Variants in ARHGAP17 observed in about 807,000 individuals in gnomAD.
The protein encoded by ARHGAP17 is rho GTPase-activating protein 17.
In ARHGAP17, 57 loss-of-function variants were observed where a neutral mutation model predicts 99.5. That is an observed-to-expected ratio of 0.57 (90% CI 0.46 to 0.71). The LOEUF is 0.71. Among genes scored for constraint, ARHGAP17 ranks in the 30% least tolerant of loss-of-function variants. The pLI, the probability that ARHGAP17 is intolerant of heterozygous loss-of-function variation, is 0.00. For synonymous variants in ARHGAP17, 417 were observed against 429.6 expected (o/e 0.97, Z 0.36); for missense variants, 1,000 against 1,122.4 (o/e 0.89, Z 1.56).
intron 1 of ARHGAP17, among the ~76,000 whole-genome samples, chr16:25,011,001 C>G (rs2053630183): frequency 6.6e-6 from 1 of 152,218 alleles, no homozygotes; most frequent in Non-Finnish European, 1.5e-5. Context: ...GTACTATGCT[C>G]TCCTAGTTGT....
At chr16:24,952,824 A>T in intron 11 of ARHGAP17, 107 bp downstream of exon 11, 1 of 1,033,452 alleles carries the variant, frequency 9.7e-7, no homozygotes, top group Non-Finnish European at 1.5e-6. Context: ...CGGTTTTGTC[A>T]CTTAAACCTG....
In ARHGAP17 at chr16:25,001,513, G is replaced by A. The variant is rs1405162595; in HGVS notation, c.53+13696C>T. ...TTTTTCTAGAAACTAGAGAAGATGAGATGCCAAAACTCGCCTTTATACAAA... is the reference window on the plus strand; with the variant it reads ...TTTTTCTAGAAACTAGAGAAGATGAAATGCCAAAACTCGCCTTTATACAAA... On this transcript the variant is annotated intron_variant, in intron 1 of 19. Transcript: ENST00000289968. Among the ~76,000 whole-genome samples the A allele has an allele frequency of 3.9e-5, 6 of 152,214 alleles. No individual in the cohort carries two copies. In the East Asian group the frequency reaches 1.2e-3, roughly 29 times the overall value.
rs1175436365 is a variant in ARHGAP17 at position 24,920,206 on chromosome 16, G to C, written c.2570C>G (p.Ser857Ter). The stretch of plus-strand genomic sequence containing the variant: ...AGGCACGTCTTTGCTGGCTGAGTCT[G>C]AGTGCATTTCAGGAAAGATGCTGCG... Reference protein sequence around the residue: ...PHRSIFPEMHSDSASKDVPGR... With the variant: ...PHRSIFPEMH Residue 857 changes from serine to a stop codon, truncating the protein, a stop_gained, in exon 20 of 20, where the codon TCA (serine) becomes TGA (stop). Coordinates refer to ENST00000289968, the MANE Select transcript of ARHGAP17 (RefSeq NM_001006634.3). LOFTEE classifies it high-confidence loss of function. The C allele has an allele frequency of 6.2e-7, 1 of 1,614,150 alleles. No homozygotes were observed. The highest frequency in any genetic ancestry group is 8.5e-7 in the Non-Finnish European group (1 of 1,180,024).
At chr16:24,975,180 G>A (rs532647617) in intron 3 of ARHGAP17, among the ~76,000 whole-genome samples, 1 of 152,246 alleles carries the variant, frequency 6.6e-6, no homozygotes, top group Middle Eastern at 3.4e-3. Context: ...AGGAATATAA[G>A]AAAGCCCCCC....
chr16:24,982,397 C>T (rs1042870202), intron 1 of ARHGAP17, among the ~76,000 whole-genome samples: 12 of 151,154 alleles, frequency 7.9e-5, no homozygotes, highest in Admixed American at 7.2e-4. Context: ...GAGCAAGACT[C>T]TGTCTCAAAA....
At position 24,953,000 on chromosome 16, in the gene ARHGAP17, G is replaced by C; in HGVS notation, c.895C>G (p.Leu299Val). 1.2e-6 allele frequency: 2 copies of C among 1,614,212 alleles called. No homozygotes were observed. The highest frequency in any genetic ancestry group is 8.5e-7 in the Non-Finnish European group (1 of 1,180,044). ...GTAGAACAGTCCAAAGCAGCTTTCA[G>C]CTTCTTTAACTTGGAGGCCCCAGCC... ...IGAGASKLKK[L>V]KAALDCSTSH... is the part of the protein sequence containing the mutation. Residue 299 changes from leucine to valine, a missense_variant, in exon 11 of 20, where the codon CTG becomes GTG. By Grantham distance (32) the Leu-to-Val change is conservative. This residue lies in a region of ARHGAP17 where 472 missense variants were observed against 611.1 expected (regional missense o/e 0.77). Coordinates refer to ENST00000289968, the MANE Select transcript of ARHGAP17 (RefSeq NM_001006634.3).
At chr16:24,929,378 G>C (rs1449199639) in intron 19 of ARHGAP17, among the ~76,000 whole-genome samples, 1 of 152,116 alleles carries the variant, frequency 6.6e-6, no homozygotes, top group Non-Finnish European at 1.5e-5. Context: ...TCAGGCTCTT[G>C]ATCTACTGAC....
At chr16:24,937,938 T>C (rs1178313642) in intron 17 of ARHGAP17, among the ~76,000 whole-genome samples, 1 of 152,180 alleles carries the variant, frequency 6.6e-6, no homozygotes, top group Admixed American at 6.5e-5. Flanking sequence ...ACAACAAAAA[T>C]TTTGGCACAC....
At chr16:25,009,315 C>T (rs1484595038) in intron 1 of ARHGAP17, among the ~76,000 whole-genome samples, 9 of 147,226 alleles carry the variant, frequency 6.1e-5, no homozygotes, top group Admixed American at 2.1e-4. Flanking sequence ...TGCAGTGAGT[C>T]GAGATTGTAC....
intron 19 of ARHGAP17, among the ~76,000 whole-genome samples, chr16:24,922,970 C>T (rs1215343747): frequency 6.6e-6 from 1 of 152,222 alleles, no homozygotes; most frequent in Non-Finnish European, 1.5e-5. Flanking sequence ...AGCCACCACA[C>T]CCAGCCTCAG....
chr16:24,925,237 G>A (rs2050810105), intron 19 of ARHGAP17, among the ~76,000 whole-genome samples: 3 of 152,016 alleles, frequency 2.0e-5, no homozygotes, highest in Admixed American at 2.0e-4. Context: ...AAATCAGCCA[G>A]GTGTTGCCAC....
intron 1 of ARHGAP17, among the ~76,000 whole-genome samples, chr16:24,981,655 C>T (rs960677901): frequency 3.9e-5 from 6 of 152,084 alleles, no homozygotes; most frequent in Admixed American, 6.5e-5. Flanking sequence ...GTGAACCCAC[C>T]GTATTTTGTG....
At chr16:25,001,555 A>G (rs1221160765) in intron 1 of ARHGAP17, among the ~76,000 whole-genome samples, 2 of 152,166 alleles carry the variant, frequency 1.3e-5, no homozygotes, top group African/African-American at 4.8e-5. Flanking sequence ...AGAGATACTG[A>G]AAAAAGAATA....
chr16:24,975,134 CAG>C (rs2052477238), intron 3 of ARHGAP17, among the ~76,000 whole-genome samples: 1 of 152,200 alleles, frequency 6.6e-6, no homozygotes, highest in South Asian at 2.1e-4. Flanking sequence ...GCACGGACAA[CAG>C]AGTGAGACCC....
rs1212767578 is a variant in ARHGAP17, at chr16:24,941,339, CAT to C, written c.1490+646_1490+647del. On this transcript the variant is annotated intron_variant, in intron 16 of 19. Coordinates refer to ENST00000289968, the MANE Select transcript of ARHGAP17 (RefSeq NM_001006634.3). ...GAGTACAGTGGCATTTCATCACACA[CAT>C]GGGACAGGTTGGCATCCAAAGGCAC... is the stretch of plus-strand genomic sequence containing the variant. Among the ~76,000 whole-genome samples the C allele has an allele frequency of 5.3e-4, 80 of 152,200 alleles. 2 individuals are homozygous for C. The highest frequency in any genetic ancestry group is 5.2e-4 in the Admixed American group (8 of 15,278).
intron 17 of ARHGAP17, among the ~76,000 whole-genome samples, chr16:24,937,708 G>A (rs1033039354): frequency 1.3e-5 from 2 of 152,118 alleles, no homozygotes; most frequent in African/African-American, 2.4e-5. Flanking sequence ...CAGTTTTAAT[G>A]GTGAAACAAG....
intron 1 of ARHGAP17, among the ~76,000 whole-genome samples, chr16:24,988,667 A>C (rs1219558928): frequency 6.6e-6 from 1 of 152,200 alleles, no homozygotes; most frequent in East Asian, 1.9e-4. Context: ...TTTCCTGCAC[A>C]TGTAAGCTTA....
chr16:24,992,304 T>C (rs2053068663), intron 1 of ARHGAP17, among the ~76,000 whole-genome samples: 1 of 152,144 alleles, frequency 6.6e-6, no homozygotes, highest in Admixed American at 6.5e-5. Context: ...CAAATAGTCA[T>C]CCTGGCCAAT....
At position 24,979,019 on chromosome 16, in the gene ARHGAP17, T is replaced by A; in HGVS notation, c.54-14A>T. ...GTTTTCTCAGCTCTGTGGGAAAAAT[T>A]AAAAATTCAGAGTTAGAAATCCAAA... On this transcript the variant is annotated splice_polypyrimidine_tract_variant and intron_variant, in intron 1 of 19. Transcript: ENST00000289968. 6.4e-7 allele frequency: 1 copy of A among 1,573,032 alleles called. No homozygotes were observed. Among genetic ancestry groups the A allele is most frequent in the Non-Finnish European group, 8.6e-7 (1 of 1,160,694 alleles).
Sources: gnomAD v4.1 joint callset for allele counts (sites outside exome capture counted in the v4.1 genomes callset) on GRCh38, gnomAD v4.1.1 for gene constraint, gnomAD v4.1.1 regional missense constraint, MANE v1.5 for transcripts, NCBI Gene and HGNC (gene_info 2026-07-23, HGNC 2026-07-21) for gene names.